The following KCNMB2 variants were observed in gnomAD, a reference collection of about 807,000 sequenced individuals.
The protein encoded by KCNMB2 is calcium-activated potassium channel subunit beta-2.
In KCNMB2, 9 loss-of-function variants were observed where a neutral mutation model predicts 24.5. That is an observed-to-expected ratio of 0.37 (90% CI 0.22 to 0.64). The LOEUF (loss-of-function observed/expected upper bound fraction) is 0.64. Ranked by LOEUF, KCNMB2 falls within the 30% of genes least tolerant of loss-of-function variation. The probability of loss-of-function intolerance (pLI) is 0.63; values close to 1 mark genes in which losing one functional copy is unlikely to be tolerated. For synonymous variants in KCNMB2, 109 were observed against 104.4 expected (o/e 1.04, Z -0.27); for missense variants, 226 against 284.3 (o/e 0.79, Z 1.47).
intron 2 of KCNMB2, among the ~76,000 whole-genome samples, chr3:178,815,314 T>C (rs1231529602): frequency 6.6e-6 from 1 of 151,894 alleles, no homozygotes; most frequent in East Asian, 1.9e-4. Context: ...AATTTTCTTT[T>C]TAGAGATGGT....
intron 1 of KCNMB2, among the ~76,000 whole-genome samples, chr3:178,639,453 T>A (rs1428650814): frequency 1.3e-5 from 2 of 152,218 alleles, no homozygotes; most frequent in East Asian, 3.8e-4. Flanking sequence ...CCTCTGTTAT[T>A]TACTACTAGT....
At chr3:178,795,998 A>T (rs962580349) in intron 1 of KCNMB2, among the ~76,000 whole-genome samples, 1 of 152,128 alleles carries the variant, frequency 6.6e-6, no homozygotes, top group Non-Finnish European at 1.5e-5. Context: ...GAACAGCTGG[A>T]CAGCGCTCTG....
At position 178,778,464 on chromosome 3, in the gene KCNMB2, A is replaced by ACGCACGTGCGCGCGCGCGCGCGCGCG. The variant is rs1560017822; in HGVS notation, c.-67-28878_-67-28877insGCACGTGCGCGCGCGCGCGCGCGCGC. ...GATTTCTACCCTTTAAGACACACAC[A>ACGCACGTGCGCGCGCGCGCGCGCGCG]CACACACACACACACACACACACAC... On this transcript the variant is annotated intron_variant, in intron 1 of 4. Coordinates refer to ENST00000452583, the MANE Select transcript of KCNMB2 (RefSeq NM_181361.3). 8.2e-4 allele frequency among the ~76,000 whole-genome samples: 50 copies of ACGCACGTGCGCGCGCGCGCGCGCGCG among 61,232 alleles called. 1 individual carries two copies. The highest frequency in any genetic ancestry group is 2.8e-3 in the Admixed American group (18 of 6,536). The allele number at this position is 61,232 out of a possible 152,430, so 40.2% of individuals were successfully genotyped here.
intron 1 of KCNMB2, among the ~76,000 whole-genome samples, chr3:178,667,787 A>C (rs193134853): frequency 1.9e-4 from 29 of 152,128 alleles, no homozygotes; most frequent in Non-Finnish European, 4.3e-4. Context: ...AACCTCTACC[A>C]TCCAGGACTC....
chr3:178,617,069 TA>T (rs1448158459), intron 1 of KCNMB2, among the ~76,000 whole-genome samples: 1 of 152,188 alleles, frequency 6.6e-6, no homozygotes, highest in Non-Finnish European at 1.5e-5. Context: ...TAGTGCTCTT[TA>T]AGATGATTTT....
intron 1 of KCNMB2, among the ~76,000 whole-genome samples, chr3:178,773,351 T>C (rs1027049867): frequency 3.3e-5 from 5 of 152,292 alleles, no homozygotes; most frequent in South Asian, 2.1e-4. Flanking sequence ...AAATTTTAAG[T>C]ATTTTAAAAT....
intron 1 of KCNMB2, among the ~76,000 whole-genome samples, chr3:178,756,475 G>A (rs1724045493): frequency 6.6e-6 from 1 of 152,054 alleles, no homozygotes; most frequent in African/African-American, 2.4e-5. Context: ...TTTGAAATAT[G>A]ACTTCATATA....
At chr3:178,551,828 T>C (rs945075418) in intron 1 of KCNMB2, among the ~76,000 whole-genome samples, 1 of 152,138 alleles carries the variant, frequency 6.6e-6, no homozygotes, top group Non-Finnish European at 1.5e-5. Flanking sequence ...ACACAACTTG[T>C]AGATGGCAAA....
intron 1 of KCNMB2, among the ~76,000 whole-genome samples, chr3:178,594,678 A>C (rs1300979623): frequency 6.6e-6 from 1 of 152,110 alleles, no homozygotes; most frequent in Non-Finnish European, 1.5e-5. Context: ...TTAGTCTGGA[A>C]TTCAAGGGGG....
intron 2 of KCNMB2, among the ~76,000 whole-genome samples, chr3:178,822,741 C>A (rs1714682180): frequency 6.6e-6 from 1 of 152,166 alleles, no homozygotes; most frequent in South Asian, 2.1e-4. Flanking sequence ...CAGAGCATAT[C>A]AAAAACATTT....
chr3:178,589,408 C>A (rs1717579533), intron 1 of KCNMB2, among the ~76,000 whole-genome samples: 1 of 152,168 alleles, frequency 6.6e-6, no homozygotes, highest in Admixed American at 6.5e-5. Flanking sequence ...AAATAACCAG[C>A]AGATCACAGG....
chr3:178,590,815 T>A (rs1717641781), intron 1 of KCNMB2, among the ~76,000 whole-genome samples: 1 of 152,210 alleles, frequency 6.6e-6, no homozygotes, highest in African/African-American at 2.4e-5. Context: ...ACAACTCTAC[T>A]TTTATATAAT....
intron 1 of KCNMB2, among the ~76,000 whole-genome samples, chr3:178,697,596 C>T (rs7648847): frequency 0.38 from 58,158 of 151,944 alleles, 11,159 homozygotes; most frequent in Middle Eastern, 0.51. Flanking sequence ...AGTATTTAGC[C>T]CATTTACACT....
intron 1 of KCNMB2, among the ~76,000 whole-genome samples, chr3:178,647,700 TTTTA>T: frequency 6.6e-6 from 1 of 152,280 alleles, no homozygotes; most frequent in East Asian, 1.9e-4. Context: ...ACCAAGGCAG[TTTTA>T]TTTATTTATT....
chr3:178,657,263 T>C (rs1720378367), intron 1 of KCNMB2, among the ~76,000 whole-genome samples: 1 of 152,196 alleles, frequency 6.6e-6, no homozygotes, highest in African/African-American at 2.4e-5. Flanking sequence ...GCTGCTGGTG[T>C]TCTCTCCTAA....
At chr3:178,764,776 G>C (rs1300145778) in intron 1 of KCNMB2, among the ~76,000 whole-genome samples, 2 of 152,076 alleles carry the variant, frequency 1.3e-5, no homozygotes, top group African/African-American at 4.8e-5. Flanking sequence ...GCATTACCCA[G>C]AGTGACATGC....
Position 178,835,117 on chromosome 3 carries a change from A to C in KCNMB2, c.423+6744A>C, listed in dbSNP as rs193108180. Among the ~76,000 whole-genome samples, 1,284 of 151,630 alleles carry C rather than the reference A, an allele frequency of 8.5e-3. 7 individuals carry two copies. The Middle Eastern group carries it at 0.085, about 10-fold the overall frequency. On this transcript the variant is annotated intron_variant, in intron 4 of 4. Coordinates refer to ENST00000452583, the MANE Select transcript of KCNMB2 (RefSeq NM_181361.3). ...CCTTAGTCAATTTCCTAGGTCTTTC[A>C]AGTTTCTTCTCTACTCCAAATCAAG...
At chr3:178,544,755 C>A (rs992012639) in intron 1 of KCNMB2, among the ~76,000 whole-genome samples, 1 of 151,992 alleles carries the variant, frequency 6.6e-6, no homozygotes, top group Non-Finnish European at 1.5e-5. Flanking sequence ...TTCAACAAAT[C>A]TATCTGATGA....
chr3:178,625,507 G>A (rs562092224), intron 1 of KCNMB2, among the ~76,000 whole-genome samples: 1 of 152,366 alleles, frequency 6.6e-6, no homozygotes, highest in African/African-American at 2.4e-5. Flanking sequence ...CAGGTGAGGG[G>A]AGAAGAGGGG....
Sources: allele counts gnomAD v4.1 joint callset (sites outside exome capture counted in the v4.1 genomes callset), GRCh38; gene constraint gnomAD v4.1.1; transcripts MANE v1.5; gene names NCBI Gene and HGNC (gene_info 2026-07-23, HGNC 2026-07-21).